Variants in SLC11A2 observed in about 807,000 individuals in gnomAD.
SLC11A2 encodes natural resistance-associated macrophage protein 2.
SLC11A2 carries 38 observed loss-of-function variants against 68.0 expected under a neutral mutation model. The observed-to-expected ratio is 0.56, with a 90% CI of 0.43 to 0.73. The LOEUF (loss-of-function observed/expected upper bound fraction) is 0.73, where lower values mean the gene tolerates loss of function less well. Among genes scored for constraint, SLC11A2 ranks in the 30% least tolerant of loss-of-function variants. The probability of loss-of-function intolerance (pLI) is 0.00; values close to 1 mark genes in which losing one functional copy is unlikely to be tolerated. For synonymous variants in SLC11A2, 242 were observed against 250.6 expected (o/e 0.97, Z 0.32); for missense variants, 517 against 690.5 (o/e 0.75, Z 2.82).
downstream of SLC11A2, among the ~76,000 whole-genome samples, chr12:50,983,244 C>A (rs760379705): frequency 2.0e-5 from 3 of 152,138 alleles, no homozygotes; most frequent in Non-Finnish European, 4.4e-5. Flanking sequence ...GAAGTTATTT[C>A]TTTTTACTTT....
rs1231278482 is a variant in SLC11A2, at chr12:50,986,691, G to C, written c.*1634C>G. On this transcript the variant is annotated 3_prime_UTR_variant, in exon 16 of 16. Transcript: ENST00000262052. The stretch of plus-strand genomic sequence containing the variant: ...CCAGTTTGGAGAATTACGATGGTAA[G>C]GGGAAGAGGCAGATATGAAGAGGAA... The C allele has an allele frequency of 1.6e-6, 2 of 1,286,738 alleles. No individual in the cohort carries two copies. The highest frequency in any genetic ancestry group is 2.0e-6 in the Non-Finnish European group (2 of 988,426). The allele number at this position is 1,286,738 out of a possible 1,614,324, so 79.7% of individuals were successfully genotyped here.
chr12:51,007,853 C>T lies in SLC11A2; in HGVS notation c.183+623G>A, dbSNP rs186719012. On this transcript the variant is annotated intron_variant, in intron 3 of 15. Coordinates refer to ENST00000262052, the MANE Select transcript of SLC11A2 (RefSeq NM_000617.3). ...ACAGGGTTTCGCCATATTGGCCAGGCGGGTCTTAAACTCCTGGGCTCAAGT... is the reference window on the plus strand; with the variant it reads ...ACAGGGTTTCGCCATATTGGCCAGGTGGGTCTTAAACTCCTGGGCTCAAGT... Among the ~76,000 whole-genome samples the T allele has an allele frequency of 3.7e-3, 559 of 152,094 alleles. 6 individuals are homozygous for T. Among genetic ancestry groups the T allele is most frequent in the African/African-American group, 0.013 (531 of 41,496 alleles).
intron 1 of SLC11A2, among the ~76,000 whole-genome samples, chr12:51,012,035 G>A (rs113779490): frequency 4.6e-5 from 7 of 152,284 alleles, no homozygotes; most frequent in African/African-American, 1.7e-4. Flanking sequence ...AAAGTCTGCA[G>A]CCATAATGTT....
chr12:50,957,389 G>A, the SLC11A2 span, among the ~76,000 whole-genome samples: 1 of 151,402 alleles, frequency 6.6e-6, no homozygotes, highest in Non-Finnish European at 1.5e-5. Flanking sequence ...AGTAGAGACA[G>A]GGTTTTACCA....
At chr12:50,985,572 C>T (rs1261583765), downstream of SLC11A2, among the ~76,000 whole-genome samples, 1 of 152,160 alleles carries the variant, frequency 6.6e-6, no homozygotes, top group Non-Finnish European at 1.5e-5. Flanking sequence ...GCTCCTTGGT[C>T]TTTAAGCTAA....
At chr12:51,028,817 T>C (rs1944474082), upstream of SLC11A2, among the ~76,000 whole-genome samples, 1 of 152,170 alleles carries the variant, frequency 6.6e-6, no homozygotes, top group African/African-American at 2.4e-5. Context: ...GGCTTCAGCC[T>C]GGTCAATCAG....
At chr12:51,028,298 G>C (rs985994426), upstream of SLC11A2, 2 of 1,205,954 alleles carry the variant, frequency 1.7e-6, no homozygotes, top group Admixed American at 2.0e-5. Flanking sequence ...GCCTCCCTCA[G>C]TTAGATAAAG....
rs11169654 is a variant in SLC11A2 at position 50,987,052 on chromosome 12, C to T, written c.*1273G>A. ...AGTGATTTGATTTGAGATAATCACACAATCTCAGGCTCGGTATGTAAAAAT... is the reference window on the plus strand; with the variant it reads ...AGTGATTTGATTTGAGATAATCACATAATCTCAGGCTCGGTATGTAAAAAT... On this transcript the variant is annotated 3_prime_UTR_variant, in exon 16 of 16. Coordinates refer to ENST00000262052, the MANE Select transcript of SLC11A2 (RefSeq NM_000617.3). The T allele has an allele frequency of 0.19, 240,503 of 1,285,696 alleles. 23,616 individuals carry two copies. The highest frequency in any genetic ancestry group is 0.27 in the South Asian group (22,170 of 80,640). The allele number at this position is 1,285,696 out of a possible 1,614,324, so 79.6% of individuals were successfully genotyped here. A position where few individuals can be genotyped will look rare whatever the true frequency, so the allele number is the denominator to read the frequency against.
intron 5 of SLC11A2, among the ~76,000 whole-genome samples, chr12:51,001,585 C>CAAAA (rs57569917): frequency 4.7e-4 from 51 of 108,516 alleles, no homozygotes; most frequent in Non-Finnish European, 7.0e-4. Flanking sequence ...CTTGCTTTCA[C>CAAAA]AAAAAAAAAA....
chr12:51,018,206 C>A (rs571742172), intron 1 of SLC11A2, among the ~76,000 whole-genome samples: 1 of 152,096 alleles, frequency 6.6e-6, no homozygotes, highest in South Asian at 2.1e-4. Context: ...ACCAGCCTGG[C>A]CAACATGACA....
chr12:50,988,148 G>A lies in SLC11A2; in HGVS notation c.*177C>T. On this transcript the variant is annotated 3_prime_UTR_variant, in exon 16 of 16. Coordinates refer to ENST00000262052, the MANE Select transcript of SLC11A2 (RefSeq NM_000617.3). ...CTAATCCAGTTCTAAGGTTAGGTCA[G>A]GAAGGAAAAAATAATTCCATCTTTC... 1 of 1,515,132 alleles carries A rather than the reference G, an allele frequency of 6.6e-7. No individual in the cohort carries two copies. Among genetic ancestry groups the A allele is most frequent in the South Asian group, 1.2e-5 (1 of 82,982 alleles). 93.9% of individuals were successfully genotyped at this position (1,515,132 alleles called of 1,614,324 possible). A position where few individuals can be genotyped will look rare whatever the true frequency, so the allele number is the denominator to read the frequency against.
intron 1 of SLC11A2, among the ~76,000 whole-genome samples, chr12:51,016,447 G>T (rs897656452): frequency 2.5e-4 from 38 of 152,090 alleles, no homozygotes; most frequent in African/African-American, 8.7e-4. Flanking sequence ...ACTTTGGGAG[G>T]CTGAGGCGGG....
At chr12:51,025,869 G>C in intron 1 of SLC11A2, 3 of 988,144 alleles carry the variant, frequency 3.0e-6, no homozygotes, top group Non-Finnish European at 3.6e-6. Context: ...GGGGCGGCGG[G>C]AGGCCCCGGA....
At chr12:51,005,607 T>A (rs1238280416) in intron 3 of SLC11A2, 171 bp from the exon 4 acceptor site, 2 of 1,446,768 alleles carry the variant, frequency 1.4e-6, no homozygotes, top group Non-Finnish European at 1.8e-6. Flanking sequence ...CACTTTTTAT[T>A]AAGAAGCTGG....
At chr12:51,027,924 G>C (rs1346258199), upstream of SLC11A2, among the ~76,000 whole-genome samples, 2 of 151,464 alleles carry the variant, frequency 1.3e-5, no homozygotes, top group East Asian at 3.9e-4. Flanking sequence ...AAGTGGGGGG[G>C]GGGGGCTTGG....
intron 8 of SLC11A2, among the ~76,000 whole-genome samples, chr12:50,997,941 C>T (rs1263670641): frequency 2.7e-5 from 4 of 148,476 alleles, no homozygotes; most frequent in South Asian, 2.1e-4. Context: ...GAGCAGAGAT[C>T]GCACCACTGC....
intron 1 of SLC11A2, chr12:51,025,816 C>T (rs1944343734): frequency 2.0e-6 from 2 of 986,540 alleles, no homozygotes; most frequent in Non-Finnish European, 1.2e-6. Flanking sequence ...ACAGAAGGCG[C>T]TCCCTGAAGT....
downstream of SLC11A2, among the ~76,000 whole-genome samples, chr12:50,974,789 A>C (rs1939827714): frequency 6.6e-6 from 1 of 152,218 alleles, no homozygotes. Flanking sequence ...AAAGGGATGG[A>C]GGAAGATCTA....
In SLC11A2 at chr12:51,012,974, C is replaced by G. The variant is rs74092398; in HGVS notation, c.-38-2208G>C. Among the ~76,000 whole-genome samples, 1,037 of 152,308 alleles carry G rather than the reference C, an allele frequency of 6.8e-3. 14 individuals are homozygous for G. The highest frequency in any genetic ancestry group is 0.024 in the African/African-American group (991 of 41,566). ...GATTCCAATCACAGCACAGCCCCGA[C>G]GTTCCCGGCAAAGCCTTTTTACTTT... is the stretch of plus-strand genomic sequence containing the variant. On this transcript the variant is annotated intron_variant, in intron 1 of 15. Transcript: ENST00000262052.
Sources: gnomAD v4.1 joint callset for allele counts (sites outside exome capture counted in the v4.1 genomes callset) on GRCh38, gnomAD v4.1.1 for gene constraint, MANE v1.5 for transcripts, NCBI Gene and HGNC (gene_info 2026-07-23, HGNC 2026-07-21) for gene names.